NFYA: variants seen among roughly 807,000 people sequenced by gnomAD.
The protein encoded by NFYA is CAAT-box DNA binding protein subunit A.
A neutral mutation model predicts 52.8 loss-of-function variants in NFYA; 28 were observed. That is an observed-to-expected ratio of 0.53 (90% confidence interval 0.39 to 0.73). The LOEUF is 0.73. Among genes scored for constraint, NFYA ranks in the 30% least tolerant of loss-of-function variants. The pLI, the probability that NFYA is intolerant of heterozygous loss-of-function variation, is 0.00. For missense variants in NFYA, 234 were observed against 427.0 expected, an observed-to-expected ratio of 0.55 and a Z score of 3.98; for synonymous variants, 150 against 150.7, an observed-to-expected ratio of 1.00 and a Z score of 0.03.
Position 41,093,098 on chromosome 6 carries a change from T to C in NFYA, c.888+13T>C, listed in dbSNP as rs1426531667. On this transcript the variant is annotated intron_variant, in intron 8 of 9. Coordinates refer to ENST00000341376, the MANE Select transcript of NFYA (RefSeq NM_002505.5). ...AAAGGAGAGAAGGGTATGTATAACATTGGGAAGGATATAGGAAAGGAGAAT... is the reference window on the plus strand; with the variant it reads ...AAAGGAGAGAAGGGTATGTATAACACTGGGAAGGATATAGGAAAGGAGAAT... 2.5e-6 allele frequency: 4 copies of C among 1,611,872 alleles called. No individual in the cohort carries two copies. Among genetic ancestry groups the C allele is most frequent in the Admixed American group, 1.7e-5 (1 of 59,818 alleles).
intron 1 of NFYA, among the ~76,000 whole-genome samples, chr6:41,073,323 C>T (rs998305220): frequency 3.3e-5 from 5 of 151,664 alleles, no homozygotes; most frequent in Admixed American, 1.3e-4. Context: ...GGAGCAGGCA[C>T]CTCGGGGCTC....
At chr6:41,073,226 G>C (rs1763578218) in intron 1 of NFYA, 142 bp downstream of exon 1, 1 of 151,448 alleles carries the variant, frequency 6.6e-6, no homozygotes, top group African/African-American at 2.4e-5. Flanking sequence ...CGGGCGGCCA[G>C]CGGCCCCGGC....
intron 2 of NFYA, among the ~76,000 whole-genome samples, chr6:41,079,628 T>C (rs1477560925): frequency 1.3e-5 from 2 of 152,232 alleles, no homozygotes; most frequent in Non-Finnish European, 2.9e-5. Context: ...GCCATTCTTA[T>C]GGATAAGACA....
intron 8 of NFYA, among the ~76,000 whole-genome samples, chr6:41,093,659 C>T (rs915020297): frequency 2.6e-5 from 4 of 152,100 alleles, no homozygotes; most frequent in South Asian, 2.1e-4. Context: ...TTAGTAGAGA[C>T]GGGGTTTCAC....
chr6:41,089,346 T>C (rs1171021872), intron 4 of NFYA, among the ~76,000 whole-genome samples: 2 of 152,214 alleles, frequency 1.3e-5, no homozygotes, highest in South Asian at 4.1e-4. Context: ...CTATCTTTCA[T>C]AAAAACCGAC....
chr6:41,093,173 G>A (rs149467559), intron 8 of NFYA, 88 bp downstream of exon 8: 27 of 1,191,538 alleles, frequency 2.3e-5, no homozygotes, highest in African/African-American at 1.5e-4. Flanking sequence ...GTTTTCTCAC[G>A]TACCTTCCAA....
chr6:41,096,798 G>A (rs1243676903), intron 9 of NFYA, among the ~76,000 whole-genome samples: 1 of 152,182 alleles, frequency 6.6e-6, no homozygotes, highest in Non-Finnish European at 1.5e-5. Flanking sequence ...GATGAAATGG[G>A]AGTCAGGAGA....
intron 4 of NFYA, among the ~76,000 whole-genome samples, chr6:41,089,308 C>T (rs1582032253): frequency 6.6e-6 from 1 of 152,316 alleles, no homozygotes; most frequent in African/African-American, 2.4e-5. Context: ...AATATGCATG[C>T]TTTTCAATAT....
At chr6:41,080,244 A>G (rs1008718672) in intron 2 of NFYA, among the ~76,000 whole-genome samples, 1 of 152,122 alleles carries the variant, frequency 6.6e-6, no homozygotes, top group African/African-American at 2.4e-5. Context: ...AAGCCCAGGA[A>G]TTCAAGACCA....
At chr6:41,088,321 G>A (rs1764101630) in intron 4 of NFYA, among the ~76,000 whole-genome samples, 1 of 150,274 alleles carries the variant, frequency 6.7e-6, no homozygotes, top group African/African-American at 2.5e-5. Context: ...TACTCGGGAG[G>A]CTGAGGCAGG....
At chr6:41,077,512 C>T (rs943169577) in intron 1 of NFYA, among the ~76,000 whole-genome samples, 5 of 149,648 alleles carry the variant, frequency 3.3e-5, no homozygotes, top group African/African-American at 1.3e-4. Flanking sequence ...TACATCATAA[C>T]CTTAATTTTA....
rs372617775 is a variant in NFYA, at chr6:41,084,129, C to T, written c.246C>T (p.Val82=). 785 of 1,614,154 alleles carry T rather than the reference C, an allele frequency of 4.9e-4. 8 individuals are homozygous for T. In the South Asian group the frequency reaches 7.9e-3, roughly 16 times the overall value. The change falls in exon 4 of 10, where the codon GTC becomes GTT. Residue 82 remains valine, a synonymous_variant. Coordinates refer to ENST00000341376, the MANE Select transcript of NFYA (RefSeq NM_002505.5). ...GCCAACCCATCATGGTCCAGGCTGT[C>T]CCTGGTGGACAAGGTCAAACCATCA... The part of the protein sequence containing the change: ...STGQPIMVQA[V]PGGQGQTIMQ...
At chr6:41,089,517 C>G (rs879095560) in intron 4 of NFYA, 62 bp from the exon 5 acceptor site, 10 of 1,460,476 alleles carry the variant, frequency 6.8e-6, no homozygotes, top group African/African-American at 1.4e-5. Context: ...GGATAACTCT[C>G]GGGGACCAAA....
chr6:41,074,107 G>GT (rs996598506), intron 1 of NFYA, among the ~76,000 whole-genome samples: 2 of 151,972 alleles, frequency 1.3e-5, no homozygotes, highest in Non-Finnish European at 2.9e-5. Flanking sequence ...AGTTTTGGGG[G>GT]TTTTTTTTCC....
At chr6:41,090,693 T>C (rs993573248) in intron 6 of NFYA, among the ~76,000 whole-genome samples, 2 of 152,230 alleles carry the variant, frequency 1.3e-5, no homozygotes, top group African/African-American at 4.8e-5. Flanking sequence ...TAAATGACTA[T>C]TATGTATACA....
chr6:41,084,060 A>G lies in NFYA; in HGVS notation c.177A>G (p.Pro59=), dbSNP rs1763979255. Reference sequence around the variant, plus strand: ...TTTCATTCTAGGTCCAAGGGCAGCCATTAATGGTGCAGGTCAGTGGAGGCC... The same window carrying G: ...TTTCATTCTAGGTCCAAGGGCAGCCGTTAATGGTGCAGGTCAGTGGAGGCC... ...VQTLQVVQGQ[P]LMVQVSGGQL... is the part of the protein sequence containing the mutation. The change falls in exon 4 of 10, where the codon CCA becomes CCG. Residue 59 remains proline (P), a synonymous_variant. Transcript: ENST00000341376. 1 of 1,608,690 alleles carries G rather than the reference A, an allele frequency of 6.2e-7. No homozygotes were observed.
chr6:41,086,444 T>TA (rs1422846016), intron 4 of NFYA, among the ~76,000 whole-genome samples: 4 of 152,340 alleles, frequency 2.6e-5, no homozygotes, highest in African/African-American at 9.6e-5. Flanking sequence ...TATATTCTGT[T>TA]ACGTAAATAA....
chr6:41,078,427 T>C (rs1763800516), intron 1 of NFYA, among the ~76,000 whole-genome samples: 1 of 152,212 alleles, frequency 6.6e-6, no homozygotes, highest in Non-Finnish European at 1.5e-5. Flanking sequence ...TACATTTTTG[T>C]TTATATATCT....
chr6:41,095,418 A>G (rs576201536), intron 9 of NFYA, among the ~76,000 whole-genome samples: 16 of 152,154 alleles, frequency 1.1e-4, no homozygotes, highest in Admixed American at 5.2e-4. Context: ...GTTTAATTAA[A>G]TACCCTATCT....
Sources: allele counts gnomAD v4.1 joint callset (sites outside exome capture counted in the v4.1 genomes callset), GRCh38; gene constraint gnomAD v4.1.1; transcripts MANE v1.5; gene names NCBI Gene and HGNC (gene_info 2026-07-23, HGNC 2026-07-21).